The following GRID2 variants were observed in gnomAD, a reference collection of about 807,000 sequenced individuals.
GRID2 encodes glutamate receptor ionotropic, delta-2.
Under a neutral mutation model 114.8 loss-of-function variants are expected in GRID2, and 33 were observed. The ratio of observed to expected loss-of-function variants is 0.29; its 90% CI spans 0.22 to 0.38. The LOEUF is 0.38. Among genes scored for constraint, GRID2 ranks in the 10% least tolerant of loss-of-function variants. The pLI, the probability that GRID2 is intolerant of heterozygous loss-of-function variation, is 1.00. For missense variants in GRID2, 1,184 were observed against 1,257.7 expected (o/e 0.94, Z 0.89); for synonymous variants, 505 against 449.9 (o/e 1.12, Z -1.55).
intron 4 of GRID2, among the ~76,000 whole-genome samples, chr4:93,141,175 T>C (rs1164805215): frequency 6.6e-6 from 1 of 152,326 alleles, no homozygotes; most frequent in Admixed American, 6.5e-5. Flanking sequence ...TATTTTGTGT[T>C]ATTATTTCTT....
At chr4:93,331,907 T>C (rs1758506234) in intron 8 of GRID2, among the ~76,000 whole-genome samples, 1 of 152,080 alleles carries the variant, frequency 6.6e-6, no homozygotes, top group Non-Finnish European at 1.5e-5. Flanking sequence ...GTTCTTCTTT[T>C]CCCCCTAGCT....
intron 2 of GRID2, among the ~76,000 whole-genome samples, chr4:92,992,422 A>G (rs1754962426): frequency 6.6e-6 from 1 of 152,178 alleles, no homozygotes; most frequent in African/African-American, 2.4e-5. Flanking sequence ...GAATTATTTT[A>G]TATAATAGCT....
chr4:93,338,807 C>G (rs1057197253), intron 8 of GRID2, among the ~76,000 whole-genome samples: 1 of 152,100 alleles, frequency 6.6e-6, no homozygotes, highest in East Asian at 1.9e-4. Context: ...TTTTCTCTCC[C>G]TGTAGTAGCC....
chr4:93,075,883 C>CT lies in GRID2; in HGVS notation c.245-9074dup, dbSNP rs10706922. ...GTATTGGGATGTCGAAGTTACCTCT[C>CT]TTTTTTTTTTTTTTTTTTTTTTTTT... On this transcript the variant is annotated intron_variant, in intron 2 of 15. Transcript: ENST00000282020. 2.3e-3 allele frequency among the ~76,000 whole-genome samples: 173 copies of CT among 76,598 alleles called. 40 individuals carry two copies. The highest frequency in any genetic ancestry group is 2.4e-3 in the African/African-American group (45 of 18,774). 50.3% of individuals were successfully genotyped at this position (76,598 alleles called of 152,430 possible).
At chr4:92,505,078 A>C (rs1264347655) in intron 1 of GRID2, among the ~76,000 whole-genome samples, 1 of 152,024 alleles carries the variant, frequency 6.6e-6, no homozygotes, top group African/African-American at 2.4e-5. Context: ...AGTAGAGTTA[A>C]TCTACAAAAC....
rs11303897 is a variant in GRID2, at chr4:92,498,928, TAA to T, written c.89-91187_89-91186del. ...GAAATGAGACAAGAACTTATTTAGG[TAA>T]AAAAAAAAAAAAAAACAAGTTAGAA... On this transcript the variant is annotated intron_variant, in intron 1 of 15. Transcript: ENST00000282020. Among the ~76,000 whole-genome samples the T allele has an allele frequency of 3.9e-3, 540 of 137,700 alleles. 3 individuals are homozygous for T. In the Middle Eastern group the frequency reaches 0.04, roughly 10 times the overall value. The allele number at this position is 137,700 out of a possible 152,430, so 90.3% of individuals were successfully genotyped here.
rs141204261 is a variant in GRID2, at chr4:93,607,801, C to T, written c.2194-18468C>T. Among the ~76,000 whole-genome samples, 515 of 152,062 alleles carry T rather than the reference C, an allele frequency of 3.4e-3. 2 individuals carry two copies. Among genetic ancestry groups the T allele is most frequent in the Non-Finnish European group, 5.7e-3 (388 of 67,960 alleles). On this transcript the variant is annotated intron_variant, in intron 13 of 15. Transcript: ENST00000282020. ...TGGGTATTTTTCATATGCTGTTGGA[C>T]ATATATATTTGTACTATTTTGCATT...
intron 2 of GRID2, among the ~76,000 whole-genome samples, chr4:92,896,506 ATCTT>A (rs1292985279): frequency 6.6e-6 from 1 of 151,566 alleles, no homozygotes; most frequent in Non-Finnish European, 1.5e-5. Context: ...ATATATATCT[ATCTT>A]TATTATGAGA....
intron 2 of GRID2, among the ~76,000 whole-genome samples, chr4:92,633,273 C>T (rs17321762): frequency 0.024 from 3,700 of 152,100 alleles, 55 homozygotes; most frequent in Non-Finnish European, 0.036. Context: ...AAGTATTTCC[C>T]CTATAATGTG....
chr4:92,827,332 A>G (rs1441101919), intron 2 of GRID2, among the ~76,000 whole-genome samples: 1 of 151,766 alleles, frequency 6.6e-6, no homozygotes. Context: ...ATCAACAGGT[A>G]TAATCCACAT....
At chr4:92,962,305 G>A (rs778611114) in intron 2 of GRID2, among the ~76,000 whole-genome samples, 2 of 151,642 alleles carry the variant, frequency 1.3e-5, no homozygotes, top group Admixed American at 6.6e-5. Context: ...GTAATGTGGT[G>A]GTAAGGTGTG....
intron 4 of GRID2, among the ~76,000 whole-genome samples, chr4:93,185,172 A>C (rs1007569434): frequency 3.3e-5 from 5 of 152,174 alleles, no homozygotes; most frequent in Non-Finnish European, 7.3e-5. Flanking sequence ...ATTTATTTTG[A>C]ATCAAAATCC....
intron 2 of GRID2, among the ~76,000 whole-genome samples, chr4:93,025,684 C>T: frequency 6.6e-6 from 1 of 151,620 alleles, no homozygotes; most frequent in East Asian, 1.9e-4. Flanking sequence ...CAGTAAGTAG[C>T]TTAAGAAGAA....
chr4:92,415,508 A>G (rs1731550184), intron 1 of GRID2, among the ~76,000 whole-genome samples: 1 of 151,340 alleles, frequency 6.6e-6, no homozygotes, highest in African/African-American at 2.4e-5. Context: ...CCATTATATC[A>G]TTCTTTAGGT....
intron 1 of GRID2, among the ~76,000 whole-genome samples, chr4:92,504,276 T>C (rs934732085): frequency 1.3e-5 from 2 of 152,054 alleles, no homozygotes; most frequent in Admixed American, 1.3e-4. Context: ...TGAGATGAGA[T>C]TCTAAGAGAA....
intron 3 of GRID2, among the ~76,000 whole-genome samples, chr4:93,086,113 G>C (rs932330309): frequency 1.3e-5 from 2 of 152,068 alleles, no homozygotes; most frequent in Non-Finnish European, 2.9e-5. Context: ...CAAATGAGGG[G>C]AAATGAACAG....
intron 1 of GRID2, among the ~76,000 whole-genome samples, chr4:92,486,902 A>G (rs1437945290): frequency 6.6e-6 from 1 of 152,006 alleles, no homozygotes; most frequent in Non-Finnish European, 1.5e-5. Context: ...GATATACAGT[A>G]TAACCCAAAG....
At chr4:92,337,147 G>T (rs139897359) in intron 1 of GRID2, among the ~76,000 whole-genome samples, 23 of 151,850 alleles carry the variant, frequency 1.5e-4, no homozygotes, top group African/African-American at 4.6e-4. Context: ...GACTTTGCTC[G>T]TAAGACTGCA....
chr4:92,415,752 A>G (rs868212028), intron 1 of GRID2, among the ~76,000 whole-genome samples: 7,981 of 117,060 alleles, frequency 0.068, 472 homozygotes, highest in African/African-American at 0.15. Context: ...ATATATATAT[A>G]TATATATATA....
Sources: gnomAD v4.1 joint callset for allele counts (sites outside exome capture counted in the v4.1 genomes callset) on GRCh38, gnomAD v4.1.1 for gene constraint, MANE v1.5 for transcripts, NCBI Gene and HGNC (gene_info 2026-07-23, HGNC 2026-07-21) for gene names.